Variants in ADAD1 observed in about 807,000 individuals in gnomAD.
ADAD1 encodes the protein adenosine deaminase domain containing 1, also known as adenosine deaminase domain-containing protein 1.
A neutral mutation model predicts 66.8 loss-of-function variants in ADAD1; 46 were observed. That is an observed-to-expected ratio of 0.69 (90% confidence interval 0.54 to 0.88). The LOEUF is 0.88. ADAD1 is among the 40% of genes least tolerant of loss of function. The pLI, the probability that ADAD1 is intolerant of heterozygous loss-of-function variation, is 0.00. For synonymous variants in ADAD1, 248 were observed against 229.4 expected (o/e 1.08, Z -0.73); for missense variants, 617 against 681.8 (o/e 0.91, Z 1.06).
intron 11 of ADAD1, 135 bp from the exon 12 acceptor site, chr4:122,421,126 G>GT: frequency 3.7e-6 from 2 of 546,590 alleles, no homozygotes; most frequent in Non-Finnish European, 5.3e-6. Flanking sequence ...TGCCTCTTAT[G>GT]TAAAAAAAAA....
At chr4:122,411,425 G>A (rs1425105580) in intron 9 of ADAD1, 33 bp downstream of exon 9, 1 of 1,574,998 alleles carries the variant, frequency 6.3e-7, no homozygotes, top group East Asian at 2.3e-5. Flanking sequence ...TTAAAAGCAA[G>A]TAGGATGGCC....
rs1281063577 is a variant in ADAD1, at chr4:122,408,003, G to A, written c.820G>A (p.Val274Ile). ...DGRVLHDTHA[V>I]VTARRSLLRY... Reference sequence around the variant, plus strand: ...AAGAGTATTGCATGACACTCATGCTGTTGTTACAGCAAGAAGGTCTCTTCT... The same window carrying A: ...AAGAGTATTGCATGACACTCATGCTATTGTTACAGCAAGAAGGTCTCTTCT... The change falls in exon 8 of 13, where the codon GTT becomes ATT. Residue 274 changes from valine to isoleucine, a missense_variant. Transcript: ENST00000296513. 2 of 1,613,274 alleles carry A rather than the reference G, an allele frequency of 1.2e-6. No homozygotes were observed. The highest frequency in any genetic ancestry group is 1.1e-5 in the South Asian group (1 of 90,990).
chr4:122,380,585 A>G lies in ADAD1; in HGVS notation c.172+344A>G, dbSNP rs550032205. The G allele has an allele frequency of 9.9e-6, 3 of 302,070 alleles. No individual in the cohort carries two copies. The South Asian group carries it at 1.7e-4, about 17-fold the overall frequency. The allele number at this position is 302,070 out of a possible 1,614,324, so 18.7% of individuals were successfully genotyped here. ...TGTTAAGTATAAAGCAGGGGCAAAC[A>G]TACTTTAAAATTCGGTGGAATCCAG... On this transcript the variant is annotated intron_variant, in intron 3 of 12. Transcript: ENST00000296513.
At chr4:122,417,978 A>G (rs192181197) in intron 11 of ADAD1, among the ~76,000 whole-genome samples, 1 of 152,218 alleles carries the variant, frequency 6.6e-6, no homozygotes. Flanking sequence ...TGTAGGTTAT[A>G]CAGTTTAAAC....
At chr4:122,424,062 C>T (rs1436766461) in intron 12 of ADAD1, among the ~76,000 whole-genome samples, 1 of 152,182 alleles carries the variant, frequency 6.6e-6, no homozygotes, top group Non-Finnish European at 1.5e-5. Flanking sequence ...AGTATAATGG[C>T]AGGTTCAAGG....
At position 122,412,433 on chromosome 4, in the gene ADAD1, A is replaced by T. The variant is rs971810933; in HGVS notation, c.1020-147A>T. 4.6e-6 allele frequency: 3 copies of T among 651,018 alleles called. No homozygotes were observed. The East Asian group carries it at 8.2e-5, about 18-fold the overall frequency. 40.3% of individuals were successfully genotyped at this position (651,018 alleles called of 1,614,324 possible). ...TGTAGAATAAAGGCACTCCACTCCT[A>T]CCTTGCTTTCTTGCATCTGTTTCTG... On this transcript the variant is annotated intron_variant, in intron 9 of 12. Coordinates refer to ENST00000296513, the MANE Select transcript of ADAD1 (RefSeq NM_139243.4).
At chr4:122,380,545 T>TA (rs1396186207) in intron 3 of ADAD1, 2 of 367,724 alleles carry the variant, frequency 5.4e-6, no homozygotes, top group Non-Finnish European at 9.7e-6. Context: ...GTATTCCACA[T>TA]AGCACTTAGC....
rs754459958 is a variant in ADAD1 at position 122,415,334 on chromosome 4, T to C, written c.1250-45T>C. 2.8e-6 allele frequency: 4 copies of C among 1,409,466 alleles called. No homozygotes were observed. In the Admixed American group the frequency reaches 7.7e-5, roughly 27 times the overall value. The allele number at this position is 1,409,466 out of a possible 1,614,324, so 87.3% of individuals were successfully genotyped here. ...TCATTTCATTTATTTTATTTTGGGATGTTCTTTTAATATTGAACTTGAGTG... is the reference window on the plus strand; with the variant it reads ...TCATTTCATTTATTTTATTTTGGGACGTTCTTTTAATATTGAACTTGAGTG... On this transcript the variant is annotated intron_variant, in intron 10 of 12. Coordinates refer to ENST00000296513, the MANE Select transcript of ADAD1 (RefSeq NM_139243.4).
intron 7 of ADAD1, among the ~76,000 whole-genome samples, chr4:122,407,095 A>G (rs1300223995): frequency 6.6e-6 from 1 of 152,164 alleles, no homozygotes; most frequent in Non-Finnish European, 1.5e-5. Context: ...AAAAAATGAC[A>G]AGAACTGCAG....
intron 6 of ADAD1, among the ~76,000 whole-genome samples, chr4:122,394,283 TTGTA>T (rs1322073930): frequency 6.6e-6 from 1 of 152,130 alleles, no homozygotes; most frequent in Non-Finnish European, 1.5e-5. Context: ...ATATTTCACA[TTGTA>T]TGGTAGTTAT....
chr4:122,400,984 T>G (rs778270114), intron 7 of ADAD1, among the ~76,000 whole-genome samples: 4 of 152,094 alleles, frequency 2.6e-5, no homozygotes, highest in Non-Finnish European at 4.4e-5. Context: ...TTGGTGTTTT[T>G]TGTTTCAATT....
chr4:122,397,429 TA>T (rs1795769512), intron 7 of ADAD1, among the ~76,000 whole-genome samples: 1 of 152,152 alleles, frequency 6.6e-6, no homozygotes, highest in African/African-American at 2.4e-5. Flanking sequence ...AAAGTAGAGA[TA>T]ATAGAAACAG....
At chr4:122,394,170 T>C (rs576645753) in intron 6 of ADAD1, among the ~76,000 whole-genome samples, 1 of 152,300 alleles carries the variant, frequency 6.6e-6, no homozygotes, top group East Asian at 1.9e-4. Context: ...AGGGTTATCA[T>C]GAGGATTAAA....
chr4:122,412,242 G>C (rs1297862147), intron 9 of ADAD1, among the ~76,000 whole-genome samples: 4 of 151,860 alleles, frequency 2.6e-5, no homozygotes, highest in African/African-American at 9.7e-5. Context: ...CTTTCATTTT[G>C]TAATTTTAAA....
chr4:122,380,573 G>C (rs1288854418), intron 3 of ADAD1: 3 of 316,970 alleles, frequency 9.5e-6, no homozygotes, highest in Non-Finnish European at 1.7e-5. Flanking sequence ...TAAGTATAAA[G>C]CAGGGGCAAA....
At chr4:122,413,851 C>CAT (rs377322878) in intron 10 of ADAD1, among the ~76,000 whole-genome samples, 15,566 of 126,368 alleles carry the variant, frequency 0.12, 1,398 homozygotes, top group African/African-American at 0.25. Flanking sequence ...TATGATAGAT[C>CAT]ATATATATAT....
At chr4:122,411,106 T>C (rs2043408192) in intron 8 of ADAD1, 116 bp from the exon 9 acceptor site, 1 of 786,778 alleles carries the variant, frequency 1.3e-6, no homozygotes, top group Non-Finnish European at 1.9e-6. Context: ...AGTTCTTACC[T>C]GTGTCAAAAC....
intron 6 of ADAD1, among the ~76,000 whole-genome samples, chr4:122,395,426 T>C (rs184494865): frequency 1.7e-3 from 258 of 152,238 alleles, no homozygotes; most frequent in Non-Finnish European, 3.0e-3. Flanking sequence ...CTCACGCCTA[T>C]GATCCCAGCA....
intron 12 of ADAD1, among the ~76,000 whole-genome samples, chr4:122,422,958 A>G (rs1370811333): frequency 3.7e-5 from 4 of 108,388 alleles, no homozygotes; most frequent in Non-Finnish European, 7.8e-5. Flanking sequence ...TTTCTCTTTA[A>G]AAAAAAAAAA....
Sources: gnomAD v4.1 joint callset for allele counts (sites outside exome capture counted in the v4.1 genomes callset) on GRCh38, gnomAD v4.1.1 for gene constraint, MANE v1.5 for transcripts, NCBI Gene and HGNC (gene_info 2026-07-23, HGNC 2026-07-21) for gene names.